Variants in CRACR2A observed in about 807,000 individuals in gnomAD.
The protein encoded by CRACR2A is EF-hand calcium-binding domain-containing protein 4B.
In CRACR2A, 79 loss-of-function variants were observed where a neutral mutation model predicts 90.5. The ratio of observed to expected loss-of-function variants is 0.87; its 90% CI spans 0.73 to 1.05. CRACR2A has a LOEUF of 1.05. Among genes scored for constraint, CRACR2A ranks in the 50% least tolerant of loss-of-function variants. The probability of loss-of-function intolerance (pLI) is 0.00; values close to 1 mark genes in which losing one functional copy is unlikely to be tolerated. For synonymous variants in CRACR2A, 338 were observed against 356.7 expected (o/e 0.95, Z 0.59); for missense variants, 823 against 897.2 (o/e 0.92, Z 1.06).
In CRACR2A at chr12:3,674,474, T is replaced by C. The variant is rs112827124; in HGVS notation, c.525-882A>G. ...CTCCCTTTCTGGGGAAACTAAAAAA[T>C]CTGTGGCCAATGATCAAGCTAAGTT... On this transcript the variant is annotated intron_variant, in intron 6 of 19. Coordinates refer to ENST00000440314, the MANE Select transcript of CRACR2A (RefSeq NM_001144958.2). Among the ~76,000 whole-genome samples the C allele has an allele frequency of 1.8e-4, 28 of 152,294 alleles. No individual in the cohort carries two copies. In the East Asian group the frequency reaches 5.0e-3, roughly 27 times the overall value.
At chr12:3,729,076 G>A (rs956422585) in intron 2 of CRACR2A, 2 of 152,170 alleles carry the variant, frequency 1.3e-5, no homozygotes, top group Admixed American at 6.5e-5. Flanking sequence ...GCTTTCTGTT[G>A]ACCTGCCTGA....
chr12:3,734,352 T>C (rs569102971), intron 1 of CRACR2A, among the ~76,000 whole-genome samples: 1 of 152,248 alleles, frequency 6.6e-6, no homozygotes, highest in South Asian at 2.1e-4. Context: ...CCCACTGATG[T>C]ACCAGACACT....
At chr12:3,728,627 G>C (rs925060885) in intron 2 of CRACR2A, 2 of 152,422 alleles carry the variant, frequency 1.3e-5, no homozygotes, top group African/African-American at 4.8e-5. Flanking sequence ...TTCTTCAGTA[G>C]GGAAGAGGAT....
intron 3 of CRACR2A, among the ~76,000 whole-genome samples, chr12:3,700,031 C>G (rs2137719293): frequency 6.6e-6 from 1 of 152,214 alleles, no homozygotes; most frequent in African/African-American, 2.4e-5. Flanking sequence ...AAATGGTTTT[C>G]AAGACACTAG....
intron 1 of CRACR2A, among the ~76,000 whole-genome samples, chr12:3,735,038 G>T (rs1295283536): frequency 6.6e-6 from 1 of 151,990 alleles, no homozygotes; most frequent in African/African-American, 2.4e-5. Flanking sequence ...CACAAAAATG[G>T]TAACTAGGTG....
chr12:3,718,154 A>AG (rs1469978842), intron 2 of CRACR2A, among the ~76,000 whole-genome samples: 2 of 152,248 alleles, frequency 1.3e-5, no homozygotes, highest in East Asian at 3.8e-4. Context: ...GAAAGTGCTT[A>AG]GCACAGGGTA....
At chr12:3,751,907 A>T (rs1169248110) in intron 1 of CRACR2A, among the ~76,000 whole-genome samples, 1 of 152,198 alleles carries the variant, frequency 6.6e-6, no homozygotes, top group Non-Finnish European at 1.5e-5. Context: ...CTAAACCATG[A>T]GGTTGTACAT....
rs543503583 is a variant in CRACR2A at position 3,649,032 on chromosome 12, T to C, written c.1047-419A>G. ...TCACTCATAGGTGGGAATTGAACAA[T>C]GAGAACACGGACACAGGAAGGGGAA... On this transcript the variant is annotated intron_variant, in intron 10 of 19. Transcript: ENST00000440314. Among the ~76,000 whole-genome samples the C allele has an allele frequency of 1.5e-3, 221 of 149,902 alleles. 2 individuals carry two copies. Among genetic ancestry groups the C allele is most frequent in the African/African-American group, 5.3e-3 (215 of 40,634 alleles).
chr12:3,652,648 T>C (rs886709160), intron 10 of CRACR2A, among the ~76,000 whole-genome samples: 2 of 152,170 alleles, frequency 1.3e-5, no homozygotes, highest in African/African-American at 4.8e-5. Flanking sequence ...GTGAGCACCT[T>C]CACTTTTGAA....
chr12:3,646,724 A>G (rs181974287), intron 11 of CRACR2A, among the ~76,000 whole-genome samples: 7 of 152,320 alleles, frequency 4.6e-5, no homozygotes, highest in Non-Finnish European at 8.8e-5. Context: ...ACCCTTGCAC[A>G]TGAGCAAGGA....
chr12:3,722,470 A>G (rs766095715), intron 2 of CRACR2A, among the ~76,000 whole-genome samples: 6 of 152,178 alleles, frequency 3.9e-5, no homozygotes, highest in Non-Finnish European at 7.4e-5. Context: ...AGGAGACTAG[A>G]CCCATGAGAG....
intron 10 of CRACR2A, 74 bp from the exon 11 acceptor site, chr12:3,648,687 C>G (rs1458789475): frequency 1.9e-6 from 3 of 1,548,890 alleles, no homozygotes; most frequent in Non-Finnish European, 2.6e-6. Context: ...ATGCTGGAGA[C>G]CAGCAGGTGA....
At chr12:3,718,510 A>C (rs1380149928) in intron 2 of CRACR2A, among the ~76,000 whole-genome samples, 1 of 152,234 alleles carries the variant, frequency 6.6e-6, no homozygotes, top group Non-Finnish European at 1.5e-5. Flanking sequence ...TATGAAGGTG[A>C]GCACTTGAAC....
intron 8 of CRACR2A, among the ~76,000 whole-genome samples, chr12:3,658,983 T>C (rs1192936285): frequency 2.0e-5 from 3 of 152,126 alleles, no homozygotes. Context: ...AGTTACCACT[T>C]CCTCCGTGGT....
intron 15 of CRACR2A, among the ~76,000 whole-genome samples, chr12:3,629,843 A>C (rs1944346669): frequency 3.1e-5 from 2 of 64,456 alleles, no homozygotes; most frequent in Admixed American, 1.5e-4. Context: ...CACAAGGAAA[A>C]GACAAGGGGG....
chr12:3,641,224 A>G (rs1405990393), intron 13 of CRACR2A, among the ~76,000 whole-genome samples: 1 of 152,152 alleles, frequency 6.6e-6, no homozygotes, highest in Non-Finnish European at 1.5e-5. Flanking sequence ...CACCTCTGTA[A>G]TCCCAGCTAC....
chr12:3,627,565 C>T lies in CRACR2A; in HGVS notation c.1818-15G>A. ...TGCACCGGTACCTGCCACAGAAGGG[C>T]CACGGGTCAGGCATGCACGGCCTTC... On this transcript the variant is annotated splice_polypyrimidine_tract_variant and intron_variant, in intron 16 of 19. Coordinates refer to ENST00000440314, the MANE Select transcript of CRACR2A (RefSeq NM_001144958.2). The T allele has an allele frequency of 1.3e-6, 2 of 1,551,566 alleles. No homozygotes were observed. The highest frequency in any genetic ancestry group is 2.4e-5 in the South Asian group (2 of 84,052).
intron 17 of CRACR2A, among the ~76,000 whole-genome samples, chr12:3,624,285 G>T (rs56286913): frequency 0.06 from 9,105 of 152,256 alleles, 328 homozygotes; most frequent in Middle Eastern, 0.13. Flanking sequence ...TGTTATTAAA[G>T]CTCCCCCTCC....
chr12:3,671,320 G>A (rs1945238296), intron 7 of CRACR2A, among the ~76,000 whole-genome samples: 1 of 152,072 alleles, frequency 6.6e-6, no homozygotes, highest in Non-Finnish European at 1.5e-5. Flanking sequence ...GATCAGTGCT[G>A]GGGTCAGAGA....
Sources: gnomAD v4.1 joint callset for allele counts (sites outside exome capture counted in the v4.1 genomes callset) on GRCh38, gnomAD v4.1.1 for gene constraint, MANE v1.5 for transcripts, NCBI Gene and HGNC (gene_info 2026-07-23, HGNC 2026-07-21) for gene names.